Variants in LRP1B observed in about 807,000 individuals in gnomAD.
The protein encoded by LRP1B is LDL receptor related protein 1B.
Under a neutral mutation model 556.6 loss-of-function variants are expected in LRP1B, and 217 were observed. The observed-to-expected ratio is 0.39, with a 90% CI of 0.35 to 0.44. LRP1B has a LOEUF of 0.44. Ranked by LOEUF, LRP1B falls within the 20% of genes least tolerant of loss-of-function variation. The pLI, the probability that LRP1B is intolerant of heterozygous loss-of-function variation, is 1.00. For synonymous variants in LRP1B, 2,047 were observed against 1,865.8 expected, an observed-to-expected ratio of 1.10 and a Z score of -2.50; for missense variants, 5,053 against 5,620.8, an observed-to-expected ratio of 0.90 and a Z score of 3.23.
rs758545357 is a variant in LRP1B, at chr2:140,274,442, CTGTCTT to C, written c.13118_13123del (p.Lys4373_Asp4374del). On this transcript the variant is annotated inframe_deletion, in exon 85 of 91. Transcript: ENST00000389484. ...CACTTACTTGCAAAATATATCTTCA[CTGTCTT>C]TATTTATAATGCAGTGCCCCCCATG... 8 of 1,612,240 alleles carry C rather than the reference CTGTCTT, an allele frequency of 5.0e-6. No homozygotes were observed. Among genetic ancestry groups the C allele is most frequent in the Non-Finnish European group, 6.8e-6 (8 of 1,178,862 alleles).
At position 140,256,449 on chromosome 2, in the gene LRP1B, C is replaced by CTTTT. The variant is rs764826231; in HGVS notation, c.13248-9291_13248-9288dup. ...GGTTTTCTTTTCTCTTTTTTCCTTC[C>CTTTT]TTTTTTTTTTTTTTTTTTTTTTTTT... On this transcript the variant is annotated intron_variant, in intron 86 of 90. Coordinates refer to ENST00000389484, the MANE Select transcript of LRP1B (RefSeq NM_018557.3). 2.0e-4 allele frequency among the ~76,000 whole-genome samples: 5 copies of CTTTT among 25,330 alleles called. 2 individuals carry two copies. Among genetic ancestry groups the CTTTT allele is most frequent in the African/African-American group, 3.9e-4 (3 of 7,732 alleles). The allele number at this position is 25,330 out of a possible 152,430, so 16.6% of individuals were successfully genotyped here. A position where few individuals can be genotyped will look rare whatever the true frequency, so the allele number is the denominator to read the frequency against.
At chr2:140,363,037 C>G (rs1412937855) in intron 72 of LRP1B, among the ~76,000 whole-genome samples, 2 of 151,670 alleles carry the variant, frequency 1.3e-5, no homozygotes, top group Non-Finnish European at 2.9e-5. Flanking sequence ...TAGTCTAGCT[C>G]CTTCAACACT....
At chr2:142,017,757 C>T (rs143573331) in intron 1 of LRP1B, among the ~76,000 whole-genome samples, 31 of 152,144 alleles carry the variant, frequency 2.0e-4, no homozygotes, top group South Asian at 6.2e-4. Flanking sequence ...CGTGGTGGCA[C>T]GTGCCTATGG....
chr2:141,665,346 A>G (rs1210349043), intron 2 of LRP1B, among the ~76,000 whole-genome samples: 1 of 152,182 alleles, frequency 6.6e-6, no homozygotes, highest in Non-Finnish European at 1.5e-5. Context: ...CATCACTGAT[A>G]ATTAGAGAAA....
At chr2:140,605,639 A>ACTGC (rs980531937) in intron 41 of LRP1B, among the ~76,000 whole-genome samples, 57 of 140,924 alleles carry the variant, frequency 4.0e-4, no homozygotes, top group African/African-American at 1.3e-3. Context: ...CTGCTTCCTT[A>ACTGC]CTGCCTGCCT....
At chr2:141,333,549 C>T (rs79096890) in intron 3 of LRP1B, among the ~76,000 whole-genome samples, 2,773 of 152,210 alleles carry the variant, frequency 0.018, 85 homozygotes, top group African/African-American at 0.062. Flanking sequence ...AATGGTAGCT[C>T]ATAATAGTAT....
chr2:141,216,937 T>A (rs1328619399), intron 6 of LRP1B, among the ~76,000 whole-genome samples: 4 of 152,162 alleles, frequency 2.6e-5, no homozygotes, highest in Non-Finnish European at 5.9e-5. Context: ...GGAACTTGCC[T>A]TGTCTCAGAT....
intron 2 of LRP1B, among the ~76,000 whole-genome samples, chr2:141,796,660 G>A (rs1695823293): frequency 6.8e-6 from 1 of 147,834 alleles, no homozygotes; most frequent in African/African-American, 2.5e-5. Context: ...CAATTTGGCT[G>A]AAATCCTGAC....
intron 41 of LRP1B, among the ~76,000 whole-genome samples, chr2:140,611,767 T>C (rs1029725389): frequency 3.3e-5 from 5 of 152,122 alleles, no homozygotes; most frequent in African/African-American, 1.2e-4. Flanking sequence ...CCAAATTACA[T>C]ACACATAATA....
chr2:140,673,353 T>C (rs968371760), intron 41 of LRP1B, among the ~76,000 whole-genome samples: 1 of 152,204 alleles, frequency 6.6e-6, no homozygotes, highest in African/African-American at 2.4e-5. Context: ...GCATTCTTAA[T>C]GTGCTTAATC....
intron 1 of LRP1B, among the ~76,000 whole-genome samples, chr2:141,961,336 C>A (rs750590994): frequency 6.6e-6 from 1 of 151,652 alleles, no homozygotes; most frequent in Non-Finnish European, 1.5e-5. Flanking sequence ...CTTTGCCCCT[C>A]ATTTTGATTG....
intron 1 of LRP1B, among the ~76,000 whole-genome samples, chr2:141,978,187 C>T (rs1241851137): frequency 3.9e-5 from 6 of 152,152 alleles, no homozygotes; most frequent in African/African-American, 1.4e-4. Context: ...CTCCTTATCT[C>T]TCTTCTAAAA....
At chr2:141,467,604 T>C (rs1399625656) in intron 3 of LRP1B, among the ~76,000 whole-genome samples, 1 of 152,134 alleles carries the variant, frequency 6.6e-6, no homozygotes, top group East Asian at 1.9e-4. Context: ...CTTCTGGCCC[T>C]ATTATCCAAC....
chr2:140,313,455 G>GT (rs1047833373), intron 83 of LRP1B, among the ~76,000 whole-genome samples: 1 of 151,812 alleles, frequency 6.6e-6, no homozygotes, highest in African/African-American at 2.4e-5. Context: ...TCAATGTTTT[G>GT]TAGAGATTTA....
intron 2 of LRP1B, among the ~76,000 whole-genome samples, chr2:141,686,503 G>A (rs1691309131): frequency 6.6e-6 from 1 of 151,832 alleles, no homozygotes; most frequent in African/African-American, 2.4e-5. Context: ...TTTATTAATA[G>A]TCTAATGGTA....
chr2:141,544,378 TCTTCTCCTC>T lies in LRP1B; in HGVS notation c.206-63854_206-63846del, dbSNP rs1559131531. 3.6e-4 allele frequency among the ~76,000 whole-genome samples: 40 copies of T among 111,134 alleles called. 3 individuals are homozygous for T. The highest frequency in any genetic ancestry group is 1.2e-3 in the African/African-American group (37 of 31,826). The allele number at this position is 111,134 out of a possible 152,430, so 72.9% of individuals were successfully genotyped here. On this transcript the variant is annotated intron_variant, in intron 2 of 90. Coordinates refer to ENST00000389484, the MANE Select transcript of LRP1B (RefSeq NM_018557.3). ...TTCTTCTTCTTCTTCTTCTTCTTCTTCTTCTCCTCCTCCTCCTCCTCCTCCTCCTCCTCC... is the reference window on the plus strand; with the variant it reads ...TTCTTCTTCTTCTTCTTCTTCTTCTTCTCCTCCTCCTCCTCCTCCTCCTCC...
intron 7 of LRP1B, among the ~76,000 whole-genome samples, chr2:141,169,564 C>T (rs1313148142): frequency 6.6e-6 from 1 of 151,436 alleles, no homozygotes; most frequent in Admixed American, 6.6e-5. Flanking sequence ...ACATGAGATA[C>T]AGAAATTATG....
In LRP1B at chr2:140,492,665, A is replaced by G; in HGVS notation, c.9063T>C (p.Asp3021=). ...SDEEPFLILA[D]HHEIRKISTD... ...TGCTAATTTTCCTTATCTCATGATG[A>G]TCAGCAAGAATTAAAAAAGGTTCTT... The change falls in exon 57 of 91, where the codon GAT becomes GAC. Residue 3021 remains aspartate, a synonymous_variant. Coordinates refer to ENST00000389484, the MANE Select transcript of LRP1B (RefSeq NM_018557.3). The G allele has an allele frequency of 2.5e-6, 4 of 1,613,444 alleles. No individual in the cohort carries two copies. The highest frequency in any genetic ancestry group is 3.4e-6 in the Non-Finnish European group (4 of 1,179,462).
intron 32 of LRP1B, among the ~76,000 whole-genome samples, chr2:140,796,381 A>T (rs1468790394): frequency 1.3e-5 from 2 of 152,114 alleles, no homozygotes; most frequent in Non-Finnish European, 2.9e-5. Context: ...TAGCATTAAG[A>T]GGAGCAATCT....
Sources: gnomAD v4.1 joint callset for allele counts (sites outside exome capture counted in the v4.1 genomes callset) on GRCh38, gnomAD v4.1.1 for gene constraint, MANE v1.5 for transcripts, NCBI Gene and HGNC (gene_info 2026-07-23, HGNC 2026-07-21) for gene names.